Variants in LRRC4C observed in about 807,000 individuals in gnomAD.
LRRC4C encodes leucine rich repeat containing 4C, also known as leucine-rich repeat-containing protein 4C.
In LRRC4C, 5 loss-of-function variants were observed where a neutral mutation model predicts 33.6. The observed-to-expected ratio is 0.15, with a 90% CI of 0.08 to 0.31. The LOEUF is 0.31. LRRC4C is among the 10% of genes least tolerant of loss of function. LRRC4C has a pLI of 1.00. For synonymous variants in LRRC4C, 329 were observed against 302.0 expected (o/e 1.09, Z -0.93); for missense variants, 560 against 796.7 (o/e 0.70, Z 3.58).
At chr11:40,405,718 AAG>A (rs1393424068) in intron 3 of LRRC4C, among the ~76,000 whole-genome samples, 3 of 149,432 alleles carry the variant, frequency 2.0e-5, no homozygotes, top group Non-Finnish European at 4.5e-5. Flanking sequence ...GAACTTACAA[AAG>A]AAGTTTTGAG....
chr11:41,336,705 T>G (rs574198340), intron 1 of LRRC4C, among the ~76,000 whole-genome samples: 1 of 152,318 alleles, frequency 6.6e-6, no homozygotes, highest in South Asian at 2.1e-4. Context: ...GTCCCCAGCT[T>G]CATGTCTTCC....
At chr11:40,747,676 A>C (rs1181939570) in intron 2 of LRRC4C, among the ~76,000 whole-genome samples, 1 of 152,106 alleles carries the variant, frequency 6.6e-6, no homozygotes, top group Non-Finnish European at 1.5e-5. Flanking sequence ...AAAATAATTT[A>C]GGATATGAAT....
At chr11:41,405,942 C>T (rs149036683) in intron 1 of LRRC4C, among the ~76,000 whole-genome samples, 47 of 152,216 alleles carry the variant, frequency 3.1e-4, no homozygotes, top group African/African-American at 1.1e-3. Flanking sequence ...GATACATGCT[C>T]TAAGCACTGT....
chr11:40,500,368 T>A (rs555338334), intron 3 of LRRC4C, among the ~76,000 whole-genome samples: 6 of 150,128 alleles, frequency 4.0e-5, no homozygotes, highest in Non-Finnish European at 7.4e-5. Flanking sequence ...ATATATAATC[T>A]ATTGTTCAAT....
rs369614534 is a variant in LRRC4C at position 40,206,951 on chromosome 11, C to CACAA, written c.-96+34564_-96+34567dup. Among the ~76,000 whole-genome samples the CACAA allele has an allele frequency of 5.5e-3, 833 of 151,948 alleles. 9 individuals are homozygous for CACAA. Among genetic ancestry groups the CACAA allele is most frequent in the East Asian group, 0.05 (256 of 5,150 alleles). The stretch of plus-strand genomic sequence containing the variant: ...GGGGGAAGGGGACACTATGCACACT[C>CACAA]ACAAACAAACAAACAAACAAACAAA... On this transcript the variant is annotated intron_variant, in intron 5 of 6. Coordinates refer to ENST00000528697, the MANE Select transcript of LRRC4C (RefSeq NM_001258419.2).
intron 3 of LRRC4C, among the ~76,000 whole-genome samples, chr11:40,615,265 T>TACACAC (rs1263574075): frequency 7.1e-4 from 38 of 53,442 alleles, no homozygotes; most frequent in African/African-American, 1.4e-3. Flanking sequence ...TATATATATA[T>TACACAC]ACACACACAC....
chr11:40,269,341 AC>A (rs1398568483), intron 4 of LRRC4C, among the ~76,000 whole-genome samples: 1 of 152,220 alleles, frequency 6.6e-6, no homozygotes, highest in Non-Finnish European at 1.5e-5. Context: ...TCAATCAAGT[AC>A]CTAACACTAA....
chr11:40,729,310 A>G (rs1947447606), intron 2 of LRRC4C, among the ~76,000 whole-genome samples: 1 of 152,224 alleles, frequency 6.6e-6, no homozygotes, highest in Admixed American at 6.5e-5. Flanking sequence ...TCAAAATAAA[A>G]GTACTGAACA....
chr11:40,456,918 G>A (rs201375759), intron 3 of LRRC4C, among the ~76,000 whole-genome samples: 1 of 55,654 alleles, frequency 1.8e-5, no homozygotes, highest in East Asian at 9.1e-4. Flanking sequence ...AAGAAAGGAA[G>A]GGGAAAAAAA....
chr11:40,337,004 A>G (rs1946653598), intron 3 of LRRC4C, among the ~76,000 whole-genome samples: 1 of 142,810 alleles, frequency 7.0e-6, no homozygotes, highest in Non-Finnish European at 1.6e-5. Context: ...AAAAAAAAAA[A>G]AAGAGCGAAT....
chr11:40,178,337 A>G (rs1860691635), intron 5 of LRRC4C, among the ~76,000 whole-genome samples: 1 of 152,182 alleles, frequency 6.6e-6, no homozygotes, highest in Non-Finnish European at 1.5e-5. Context: ...TGAAGTGATG[A>G]GCAGAAGTGA....
intron 2 of LRRC4C, among the ~76,000 whole-genome samples, chr11:40,724,686 C>T (rs984693017): frequency 4.0e-5 from 6 of 151,730 alleles, no homozygotes; most frequent in African/African-American, 1.5e-4. Flanking sequence ...AATCTAACAT[C>T]ACACCTAAAG....
At chr11:40,130,202 G>C (rs1856550317) in intron 6 of LRRC4C, among the ~76,000 whole-genome samples, 1 of 152,116 alleles carries the variant, frequency 6.6e-6, no homozygotes. Flanking sequence ...TCCATGTACT[G>C]CTAGATATTT....
chr11:41,233,567 T>C (rs1196063913), intron 1 of LRRC4C, among the ~76,000 whole-genome samples: 1 of 152,008 alleles, frequency 6.6e-6, no homozygotes, highest in African/African-American at 2.4e-5. Context: ...TACATTACGA[T>C]ACTAATGGTT....
chr11:40,512,395 A>T (rs1955364140), intron 3 of LRRC4C, among the ~76,000 whole-genome samples: 1 of 152,104 alleles, frequency 6.6e-6, no homozygotes, highest in East Asian at 1.9e-4. Context: ...AAAAACAAAC[A>T]AATGAAAAAA....
chr11:40,696,907 A>C (rs1233783996), intron 2 of LRRC4C, among the ~76,000 whole-genome samples: 2 of 151,484 alleles, frequency 1.3e-5, no homozygotes, highest in Non-Finnish European at 1.5e-5. Context: ...TTAGCCAACA[A>C]CTTCAAGAAC....
At chr11:41,366,324 C>T (rs1362978531) in intron 1 of LRRC4C, among the ~76,000 whole-genome samples, 2 of 151,862 alleles carry the variant, frequency 1.3e-5, no homozygotes, top group Non-Finnish European at 2.9e-5. Flanking sequence ...ATTTGGTTAT[C>T]AACTGATATT....
intron 3 of LRRC4C, among the ~76,000 whole-genome samples, chr11:40,476,404 G>T (rs534026772): frequency 1.2e-3 from 162 of 133,820 alleles, no homozygotes; most frequent in African/African-American, 4.1e-3. Flanking sequence ...GGAGTGTAGT[G>T]GTGTGATCTC....
At chr11:40,519,928 T>C (rs78445169) in intron 3 of LRRC4C, among the ~76,000 whole-genome samples, 5 of 152,314 alleles carry the variant, frequency 3.3e-5, no homozygotes, top group Admixed American at 1.3e-4. Flanking sequence ...AGAATATCCA[T>C]GTAGACAAAA....
Sources: allele counts gnomAD v4.1 joint callset (sites outside exome capture counted in the v4.1 genomes callset), GRCh38; gene constraint gnomAD v4.1.1; transcripts MANE v1.5; gene names NCBI Gene and HGNC (gene_info 2026-07-23, HGNC 2026-07-21).